Variants in STAB2 observed in about 807,000 individuals in gnomAD.
STAB2 encodes stabilin-2.
In STAB2, 288 loss-of-function variants were observed where a neutral mutation model predicts 338.1. The observed-to-expected ratio is 0.85, with a 90% CI of 0.77 to 0.94. The LOEUF is 0.94. STAB2 is among the 40% of genes least tolerant of loss of function. The pLI, the probability that STAB2 is intolerant of heterozygous loss-of-function variation, is 0.00. For missense variants in STAB2, 3,141 were observed against 3,210.1 expected (o/e 0.98, Z 0.52); for synonymous variants, 1,202 against 1,193.3 (o/e 1.01, Z -0.15).
chr12:103,655,748 A>G (rs901450883), intron 15 of STAB2, among the ~76,000 whole-genome samples, 167 bp downstream of exon 15: 2 of 152,186 alleles, frequency 1.3e-5, no homozygotes, highest in Non-Finnish European at 2.9e-5. Flanking sequence ...ACATTCTGGA[A>G]CTAAGCCTGG....
At chr12:103,704,930 C>T (rs529928653) in intron 36 of STAB2, 9 of 207,842 alleles carry the variant, frequency 4.3e-5, no homozygotes, top group African/African-American at 2.1e-4. Context: ...AGAGAGATTC[C>T]ATATCCAAAA....
At chr12:103,702,340 GGACT>G (rs1878964205) in intron 34 of STAB2, among the ~76,000 whole-genome samples, 1 of 149,446 alleles carries the variant, frequency 6.7e-6, no homozygotes, top group Admixed American at 6.7e-5. Context: ...CGCCCAGGCC[GGACT>G]GCGGACTGCA....
At chr12:103,642,154 G>A (rs1872972676) in intron 9 of STAB2, among the ~76,000 whole-genome samples, 1 of 152,190 alleles carries the variant, frequency 6.6e-6, no homozygotes, top group Non-Finnish European at 1.5e-5. Flanking sequence ...CTCTGCCTGT[G>A]GAGAGCTAAT....
At position 103,648,694 on chromosome 12, in the gene STAB2, A is replaced by G. The variant is rs762967501; in HGVS notation, c.1045A>G (p.Ile349Val). The change falls in exon 10 of 69, where the codon ATT (isoleucine) becomes GTT (valine). Residue 349 changes from isoleucine to valine, a missense_variant. Ile to Val is a conservative substitution (Grantham distance 29, BLOSUM62 3). Transcript: ENST00000388887. ...TTVAPGRTEC[I>V]CQKGYVGDGL... ...GTCTTTTCCCCCTCTCTGTAGATGC[A>G]TTTGCCAGAAAGGTTACGTGGGTGA... The G allele has an allele frequency of 3.1e-6, 5 of 1,613,786 alleles. No homozygotes were observed. The highest frequency in any genetic ancestry group is 1.7e-6 in the Non-Finnish European group (2 of 1,179,854).
At chr12:103,608,523 T>G (rs1957070050) in intron 3 of STAB2, among the ~76,000 whole-genome samples, 1 of 152,242 alleles carries the variant, frequency 6.6e-6, no homozygotes, top group Admixed American at 6.5e-5. Context: ...CTTTGTCCAC[T>G]TGTTGATGGG....
chr12:103,745,980 A>G lies in STAB2; in HGVS notation c.6137-617A>G, dbSNP rs201830105. 9.7e-4 allele frequency among the ~76,000 whole-genome samples: 147 copies of G among 152,272 alleles called. 1 individual carries two copies. Among genetic ancestry groups the G allele is most frequent in the African/African-American group, 3.4e-3 (140 of 41,538 alleles). ...GCTGGTTGAATTATCCATGTGAATG[A>G]CTGTCATTTAATCCTCCCTGGGGTC... On this transcript the variant is annotated intron_variant, in intron 57 of 68. Coordinates refer to ENST00000388887, the MANE Select transcript of STAB2 (RefSeq NM_017564.10).
chr12:103,624,936 A>C (rs1036184427), intron 5 of STAB2, among the ~76,000 whole-genome samples: 2 of 39,282 alleles, frequency 5.1e-5, no homozygotes, highest in African/African-American at 2.4e-4. Flanking sequence ...GCAAGACTCC[A>C]TCTCAAAAAA....
chr12:103,590,890 TAC>T lies in STAB2; in HGVS notation c.82-3_82-2del, dbSNP rs754031066. 1 of 1,614,018 alleles carries T rather than the reference TAC, an allele frequency of 6.2e-7. No homozygotes were observed. The highest frequency in any genetic ancestry group is 8.5e-7 in the Non-Finnish European group (1 of 1,179,970). ...AATTAATGTTCTTTTTTTTAATATT[TAC>T]ACAGGCAAGAAGATGTGATAGGAAG... On this transcript the variant is annotated splice_region_variant and splice_polypyrimidine_tract_variant and intron_variant, in intron 1 of 68. Coordinates refer to ENST00000388887, the MANE Select transcript of STAB2 (RefSeq NM_017564.10).
At chr12:103,590,805 G>C (rs955919928) in intron 1 of STAB2, 92 bp from the exon 2 acceptor site, 28 of 1,479,644 alleles carry the variant, frequency 1.9e-5, no homozygotes, top group Non-Finnish European at 2.5e-5. Context: ...GAGATGATTG[G>C]AGACATTCCA....
At position 103,733,064 on chromosome 12, in the gene STAB2, G is replaced by A. The variant is rs779068200; in HGVS notation, c.5342G>A (p.Trp1781Ter). The A allele has an allele frequency of 1.9e-6, 3 of 1,614,020 alleles. No homozygotes were observed. The highest frequency in any genetic ancestry group is 2.5e-6 in the Non-Finnish European group (3 of 1,180,002). ...DPIHTPVTLF[W>*]PTDQALHALP... is the part of the protein sequence containing the mutation. ...ATCCACACCCCAGTCACTCTCTTCT[G>A]GCCCACCGACCAAGCCCTCCATGCC... Residue 1781 changes from tryptophan (W) to a stop codon, truncating the protein, a stop_gained, in exon 51 of 69, where the codon TGG becomes TAG. Coordinates refer to ENST00000388887, the MANE Select transcript of STAB2 (RefSeq NM_017564.10). LOFTEE classifies it high-confidence loss of function.
At chr12:103,735,139 G>A (rs561813889) in intron 51 of STAB2, among the ~76,000 whole-genome samples, 1 of 152,286 alleles carries the variant, frequency 6.6e-6, no homozygotes, top group East Asian at 1.9e-4. Flanking sequence ...GGGGCACAGT[G>A]CCACCCATAA....
chr12:103,745,786 G>A (rs1882980146), intron 57 of STAB2, among the ~76,000 whole-genome samples: 1 of 152,214 alleles, frequency 6.6e-6, no homozygotes, highest in African/African-American at 2.4e-5. Context: ...GGCAGGGTCA[G>A]CGAGCATGGT....
Position 103,755,373 on chromosome 12 carries a change from C to T in STAB2, c.6786C>T (p.Ser2262=). ...TTGCCTACCCCACAGCCTTCGCCTC[C>T]CAGAACTGTGGCTCTGGTGTGGTTG... The part of the protein sequence containing the change: ...GRVAYPTAFA[S]QNCGSGVVGI... Residue 2262 remains serine (S), a synonymous_variant, in exon 62 of 69, where the codon TCC becomes TCT. Transcript: ENST00000388887. 1 of 1,614,162 alleles carries T rather than the reference C, an allele frequency of 6.2e-7. No homozygotes were observed. Among genetic ancestry groups the T allele is most frequent in the Non-Finnish European group, 8.5e-7 (1 of 1,180,018 alleles).
chr12:103,683,432 A>T, intron 26 of STAB2, 132 bp downstream of exon 26: 1 of 718,998 alleles, frequency 1.4e-6, no homozygotes, highest in Admixed American at 3.3e-5. Flanking sequence ...CTCTAAGCAG[A>T]ATGCGAGTAG....
chr12:103,642,045 C>A (rs1375421702), intron 9 of STAB2, among the ~76,000 whole-genome samples: 1 of 152,180 alleles, frequency 6.6e-6, no homozygotes, highest in Non-Finnish European at 1.5e-5. Context: ...TGGGTTGAAA[C>A]ATGAACTCTA....
intron 65 of STAB2, among the ~76,000 whole-genome samples, chr12:103,760,457 T>G (rs957662770): frequency 4.6e-5 from 7 of 152,174 alleles, no homozygotes; most frequent in African/African-American, 1.7e-4. Context: ...GATGGGGTTT[T>G]GCCATGTTGG....
chr12:103,686,201 A>G (rs1025677981), intron 27 of STAB2, among the ~76,000 whole-genome samples: 1 of 152,108 alleles, frequency 6.6e-6, no homozygotes, highest in African/African-American at 2.4e-5. Flanking sequence ...CGAGCCTAAC[A>G]ATTCCCAGGA....
chr12:103,609,591 A>G (rs919874255), intron 3 of STAB2, among the ~76,000 whole-genome samples: 1 of 152,106 alleles, frequency 6.6e-6, no homozygotes, highest in African/African-American at 2.4e-5. Context: ...TTTTGGGCTG[A>G]GATGATGGGG....
chr12:103,662,938 T>TC lies in STAB2; in HGVS notation c.1965dup (p.Ser656LeufsTer11). On this transcript the variant is annotated frameshift_variant, in exon 18 of 69. Transcript: ENST00000388887. LOFTEE classifies it high-confidence loss of function. ...ACACACTGACAGGAGTTCTCATTCCTCCCTCCATTGTCCCGATTCTGCCCC... is the reference window on the plus strand; with the variant it reads ...ACACACTGACAGGAGTTCTCATTCCTCCCCTCCATTGTCCCGATTCTGCCCC... The TC allele has an allele frequency of 6.2e-7, 1 of 1,614,110 alleles. No homozygotes were observed. Among genetic ancestry groups the TC allele is most frequent in the Non-Finnish European group, 8.5e-7 (1 of 1,180,024 alleles).
Sources: allele counts gnomAD v4.1 joint callset (sites outside exome capture counted in the v4.1 genomes callset), GRCh38; gene constraint gnomAD v4.1.1; transcripts MANE v1.5; gene names NCBI Gene and HGNC (gene_info 2026-07-23, HGNC 2026-07-21).